Variants in NTRK3 observed in about 807,000 individuals in gnomAD.
NTRK3 encodes the protein NT-3 growth factor receptor.
Under a neutral mutation model 91.7 loss-of-function variants are expected in NTRK3, and 24 were observed. The observed-to-expected ratio is 0.26, with a 90% CI of 0.19 to 0.37. The LOEUF (loss-of-function observed/expected upper bound fraction) is 0.37. Among genes scored for constraint, NTRK3 ranks in the 10% least tolerant of loss-of-function variants. The pLI, the probability that NTRK3 is intolerant of heterozygous loss-of-function variation, is 1.00. For synonymous variants in NTRK3, 483 were observed against 404.0 expected, an observed-to-expected ratio of 1.20 and a Z score of -2.34; for missense variants, 880 against 1,068.9, an observed-to-expected ratio of 0.82 and a Z score of 2.46.
intron 13 of NTRK3, among the ~76,000 whole-genome samples, chr15:88,058,018 G>A (rs1167547730): frequency 6.6e-6 from 1 of 152,216 alleles, no homozygotes; most frequent in South Asian, 2.1e-4. Flanking sequence ...TCAGACCCCA[G>A]AAGCCACGGG....
chr15:88,067,556 G>A (rs530797924), intron 13 of NTRK3, among the ~76,000 whole-genome samples: 1 of 152,326 alleles, frequency 6.6e-6, no homozygotes, highest in Admixed American at 6.5e-5. Context: ...TTTGTGGTGG[G>A]TCAGAGCAGC....
At chr15:87,983,653 G>A (rs2074486081) in intron 14 of NTRK3, among the ~76,000 whole-genome samples, 1 of 152,192 alleles carries the variant, frequency 6.6e-6, no homozygotes, top group South Asian at 2.1e-4. Flanking sequence ...TTGTGGCAAA[G>A]TCTAAATTTG....
intron 13 of NTRK3, among the ~76,000 whole-genome samples, chr15:88,115,750 C>T (rs1455834293): frequency 3.3e-5 from 5 of 152,054 alleles, no homozygotes; most frequent in East Asian, 3.9e-4. Context: ...GAATACCAAC[C>T]GCCAGAGCAG....
At chr15:88,245,730 C>T (rs1371746936) in intron 3 of NTRK3, among the ~76,000 whole-genome samples, 1 of 152,156 alleles carries the variant, frequency 6.6e-6, no homozygotes, top group East Asian at 1.9e-4. Flanking sequence ...TCATTGAAAT[C>T]TTATAATAGT....
At chr15:87,979,404 G>A in intron 14 of NTRK3, 1 of 1,614,002 alleles carries the variant, frequency 6.2e-7, no homozygotes, top group Non-Finnish European at 8.5e-7. Context: ...TAGATGCCAT[G>A]GTTAAGAGGC....
At chr15:88,043,039 A>G (rs1404135561) in intron 13 of NTRK3, among the ~76,000 whole-genome samples, 1 of 152,210 alleles carries the variant, frequency 6.6e-6, no homozygotes. Context: ...TTGTTTAGGA[A>G]AGAAGCCCAT....
chr15:88,072,600 C>T (rs2047188231), intron 13 of NTRK3: 2 of 232,440 alleles, frequency 8.6e-6, no homozygotes, highest in African/African-American at 4.4e-5. Context: ...TCCAGGCCAT[C>T]TAGAAATAAA....
chr15:88,032,713 GAAAC>G (rs2078661850), intron 14 of NTRK3, 140 bp downstream of exon 14: 2 of 937,956 alleles, frequency 2.1e-6, no homozygotes, highest in Admixed American at 4.1e-5. Context: ...TTCAAGTTTT[GAAAC>G]AAACAGGGAG....
chr15:88,221,109 G>A (rs1243574554), intron 3 of NTRK3, among the ~76,000 whole-genome samples: 3 of 152,104 alleles, frequency 2.0e-5, no homozygotes, highest in Non-Finnish European at 2.9e-5. Flanking sequence ...GACTTCATGC[G>A]GATTAATTTC....
At chr15:88,108,270 G>A (rs62022294) in intron 13 of NTRK3, among the ~76,000 whole-genome samples, 1,580 of 152,308 alleles carry the variant, frequency 0.01, 20 homozygotes, top group Non-Finnish European at 0.016. Flanking sequence ...GCCATTTGGA[G>A]AAGCCAAGTA....
chr15:87,876,810 G>T, exon 19 of NTRK3: 1 of 1,129,006 alleles, frequency 8.9e-7, no homozygotes, highest in Non-Finnish European at 1.3e-6. Context: ...ATGTGTAGCA[G>T]GCACTTGAGT....
At chr15:87,860,050 GAA>G (rs1223507630) in exon 19 of NTRK3, 1 of 205,660 alleles carries the variant, frequency 4.9e-6, no homozygotes, top group Non-Finnish European at 9.9e-6. Flanking sequence ...CAAAAACCAA[GAA>G]AAGAGTTCGC....
chr15:88,028,286 T>G (rs964539086), intron 14 of NTRK3, among the ~76,000 whole-genome samples: 1 of 152,146 alleles, frequency 6.6e-6, no homozygotes, highest in Non-Finnish European at 1.5e-5. Context: ...ATGTGTCTCT[T>G]GTTCCCCAGT....
In NTRK3 at chr15:88,197,094, CAAAAAAAAAAAAAAAAAAA is replaced by C. The variant is rs59553739; in HGVS notation, c.249-12814_249-12796del. Among the ~76,000 whole-genome samples, 114 of 56,596 alleles carry C rather than the reference CAAAAAAAAAAAAAAAAAAA, an allele frequency of 2.0e-3. 1 individual carries two copies. The highest frequency in any genetic ancestry group is 5.1e-3 in the African/African-American group (106 of 20,692). The allele number at this position is 56,596 out of a possible 152,430, so 37.1% of individuals were successfully genotyped here. A position where few individuals can be genotyped will look rare whatever the true frequency, so the allele number is the denominator to read the frequency against. On this transcript the variant is annotated intron_variant, in intron 3 of 18. Coordinates refer to ENST00000394480, the Ensembl canonical transcript of NTRK3. ...AGAAGAGGTCTATGGTTGAGCAGGA[CAAAAAAAAAAAAAAAAAAA>C]AAAAAAAAAAAAAACCTCTGTGATT...
intron 6 of NTRK3, among the ~76,000 whole-genome samples, chr15:88,139,845 C>T (rs997177684): frequency 2.2e-5 from 3 of 136,416 alleles, no homozygotes; most frequent in African/African-American, 8.3e-5. Flanking sequence ...TTGCTGGGTG[C>T]AAGAGAGAAG....
At chr15:87,921,555 G>A (rs1304209545) in intron 17 of NTRK3, among the ~76,000 whole-genome samples, 1 of 152,124 alleles carries the variant, frequency 6.6e-6, no homozygotes, top group Non-Finnish European at 1.5e-5. Flanking sequence ...TGCCTATGTG[G>A]ACATGAATAG....
chr15:87,876,753 T>C (rs1047397027), exon 19 of NTRK3: 2 of 526,564 alleles, frequency 3.8e-6, no homozygotes, highest in African/African-American at 1.9e-5. Context: ...CAAACTGCCT[T>C]ACAGGGTTTT....
chr15:88,223,691 G>T (rs2050432984), intron 3 of NTRK3, among the ~76,000 whole-genome samples: 1 of 152,162 alleles, frequency 6.6e-6, no homozygotes, highest in African/African-American at 2.4e-5. Context: ...ATATGTAATG[G>T]GCATAATAAT....
chr15:87,924,224 C>G (rs927704272), intron 17 of NTRK3, among the ~76,000 whole-genome samples: 8 of 152,142 alleles, frequency 5.3e-5, no homozygotes, highest in Admixed American at 1.3e-4. Context: ...GAGCAGAGAT[C>G]AAACCAAGGC....
Sources: gnomAD v4.1 joint callset for allele counts (sites outside exome capture counted in the v4.1 genomes callset) on GRCh38, gnomAD v4.1.1 for gene constraint, MANE v1.5 for transcripts, NCBI Gene and HGNC (gene_info 2026-07-23, HGNC 2026-07-21) for gene names.